The following TRAF3IP1 variants were observed in gnomAD, a reference collection of about 807,000 sequenced individuals.
The protein encoded by TRAF3IP1 is TRAF3-interacting protein 1.
In TRAF3IP1, 53 loss-of-function variants were observed where a neutral mutation model predicts 89.9. The observed-to-expected ratio is 0.59, with a 90% CI of 0.47 to 0.74. The LOEUF is 0.74. Ranked by LOEUF, TRAF3IP1 falls within the 30% of genes least tolerant of loss-of-function variation. The pLI is 0.00. For missense variants in TRAF3IP1, 806 were observed against 866.1 expected (o/e 0.93, Z 0.87); for synonymous variants, 311 against 322.1 (o/e 0.97, Z 0.37).
chr2:238,382,631 C>T (rs1481091718), intron 15 of TRAF3IP1, among the ~76,000 whole-genome samples: 1 of 152,020 alleles, frequency 6.6e-6, no homozygotes, highest in East Asian at 1.9e-4. Flanking sequence ...CCTTGGCACC[C>T]CATAGATGTC....
intron 5 of TRAF3IP1, among the ~76,000 whole-genome samples, chr2:238,330,971 A>G (rs1079435): frequency 0.72 from 109,076 of 152,004 alleles, 39,327 homozygotes; most frequent in Middle Eastern, 0.77. Context: ...GTAAGAAAAA[A>G]TATTTTTCAT....
intron 15 of TRAF3IP1, among the ~76,000 whole-genome samples, chr2:238,381,377 C>T (rs1323555237): frequency 6.6e-6 from 1 of 152,202 alleles, no homozygotes; most frequent in African/African-American, 2.4e-5. Flanking sequence ...ACCCCACTGA[C>T]ACCCTTGGAG....
chr2:238,370,483 G>A (rs1000501779), intron 15 of TRAF3IP1, among the ~76,000 whole-genome samples: 1 of 152,130 alleles, frequency 6.6e-6, no homozygotes, highest in Non-Finnish European at 1.5e-5. Context: ...GCAAATGTCT[G>A]TGCCCTCCCT....
At chr2:238,334,922 T>C (rs781570423) in intron 7 of TRAF3IP1, among the ~76,000 whole-genome samples, 2 of 152,208 alleles carry the variant, frequency 1.3e-5, no homozygotes, top group Non-Finnish European at 2.9e-5. Flanking sequence ...CCAGTGTTGT[T>C]AAGGCATGCT....
At chr2:238,354,260 T>A (rs1165801639) in intron 14 of TRAF3IP1, among the ~76,000 whole-genome samples, 1 of 152,264 alleles carries the variant, frequency 6.6e-6, no homozygotes, top group Non-Finnish European at 1.5e-5. Flanking sequence ...TGTTTCCAGC[T>A]TATTTTGTGT....
At chr2:238,375,424 A>G (rs1248652821) in intron 15 of TRAF3IP1, among the ~76,000 whole-genome samples, 1 of 152,132 alleles carries the variant, frequency 6.6e-6, no homozygotes, top group Non-Finnish European at 1.5e-5. Context: ...TTCAGTTTCC[A>G]TGTAGTTGTT....
At chr2:238,337,327 A>G (rs1698431423) in intron 7 of TRAF3IP1, among the ~76,000 whole-genome samples, 1 of 152,130 alleles carries the variant, frequency 6.6e-6, no homozygotes, top group Non-Finnish European at 1.5e-5. Flanking sequence ...GAAGGAGGAC[A>G]TGCAGGTGTG....
At chr2:238,321,201 C>T (rs1697522016) in intron 1 of TRAF3IP1, among the ~76,000 whole-genome samples, 1 of 152,230 alleles carries the variant, frequency 6.6e-6, no homozygotes, top group Non-Finnish European at 1.5e-5. Context: ...CTTACTTCTT[C>T]CCTGCCTGCC....
chr2:238,340,841 A>G (rs569326869), intron 8 of TRAF3IP1, among the ~76,000 whole-genome samples: 88 of 94,694 alleles, frequency 9.3e-4, no homozygotes, highest in African/African-American at 2.6e-3. Context: ...GTGTATATAT[A>G]TATATAGAGA....
intron 15 of TRAF3IP1, among the ~76,000 whole-genome samples, chr2:238,375,923 A>C (rs941817230): frequency 6.6e-6 from 1 of 152,158 alleles, no homozygotes; most frequent in African/African-American, 2.4e-5. Flanking sequence ...TTCTCTCCTC[A>C]TATGGATAAC....
chr2:238,349,374 C>T lies in TRAF3IP1; in HGVS notation c.1417C>T (p.Arg473Trp), dbSNP rs373537340. The stretch of plus-strand genomic sequence containing the variant: ...AAGACCAGCCCCTCCCCGGGTCAAA[C>T]GGCAAGACAGCATGGAGGCGCTACA... ...SARPAPPRVK[R>W]QDSMEALQMD... Residue 473 changes from arginine (R) to tryptophan (W), a missense_variant, in exon 12 of 17, where the codon CGG (arginine) becomes TGG (tryptophan). Coordinates refer to ENST00000373327, the MANE Select transcript of TRAF3IP1 (RefSeq NM_015650.4). The T allele has an allele frequency of 1.1e-5, 18 of 1,614,014 alleles. No individual in the cohort carries two copies. Among genetic ancestry groups the T allele is most frequent in the Middle Eastern group, 1.6e-4 (1 of 6,084 alleles).
chr2:238,322,966 C>T (rs1021581745), intron 1 of TRAF3IP1, among the ~76,000 whole-genome samples: 20 of 152,148 alleles, frequency 1.3e-4, no homozygotes, highest in Admixed American at 2.0e-4. Flanking sequence ...GAATATTATA[C>T]ACACATTGCT....
At chr2:238,341,341 G>A (rs148869117) in intron 8 of TRAF3IP1, among the ~76,000 whole-genome samples, 27 of 151,898 alleles carry the variant, frequency 1.8e-4, no homozygotes, top group African/African-American at 6.5e-4. Context: ...ATATTTTAAT[G>A]AACTGTTTCA....
chr2:238,331,102 T>C (rs572082073), intron 5 of TRAF3IP1, among the ~76,000 whole-genome samples: 77 of 152,118 alleles, frequency 5.1e-4, no homozygotes, highest in Non-Finnish European at 8.2e-4. Flanking sequence ...CCCCACGTTA[T>C]GTTCCCTAAA....
At chr2:238,328,634 G>T (rs754271191) in intron 3 of TRAF3IP1, 52 bp from the exon 4 acceptor site, 42 of 1,585,986 alleles carry the variant, frequency 2.6e-5, no homozygotes, top group Non-Finnish European at 3.5e-5. Flanking sequence ...TTTGTTACGT[G>T]TGCGGATCTC....
At chr2:238,391,057 C>A (rs1489013715) in intron 15 of TRAF3IP1, among the ~76,000 whole-genome samples, 1 of 152,176 alleles carries the variant, frequency 6.6e-6, no homozygotes, top group Non-Finnish European at 1.5e-5. Flanking sequence ...TGGGCTCAGG[C>A]AATCCTCCCT....
At chr2:238,343,053 T>C (rs1288663731) in intron 8 of TRAF3IP1, among the ~76,000 whole-genome samples, 2 of 152,078 alleles carry the variant, frequency 1.3e-5, no homozygotes, top group African/African-American at 4.8e-5. Flanking sequence ...CCTGCTGTAA[T>C]ATAGAACCTA....
Position 238,394,366 on chromosome 2 carries a change from C to T in TRAF3IP1, c.1690-3093C>T, listed in dbSNP as rs551953835. 2.6e-5 allele frequency among the ~76,000 whole-genome samples: 4 copies of T among 152,276 alleles called. No homozygotes were observed. In the East Asian group the frequency reaches 5.8e-4, roughly 22 times the overall value. On this transcript the variant is annotated intron_variant, in intron 15 of 16. Coordinates refer to ENST00000373327, the MANE Select transcript of TRAF3IP1 (RefSeq NM_015650.4). The stretch of plus-strand genomic sequence containing the variant: ...TAGGATTTGCATTAAACATGCGTAT[C>T]GGTTTGGGGAAAATTCATGTCTTTA...
At chr2:238,369,111 G>A (rs1017814580) in intron 15 of TRAF3IP1, among the ~76,000 whole-genome samples, 2 of 152,004 alleles carry the variant, frequency 1.3e-5, no homozygotes, top group African/African-American at 4.8e-5. Context: ...GCTTAACAAA[G>A]CTTTTATTGT....
Sources: gnomAD v4.1 joint callset for allele counts (sites outside exome capture counted in the v4.1 genomes callset) on GRCh38, gnomAD v4.1.1 for gene constraint, MANE v1.5 for transcripts, NCBI Gene and HGNC (gene_info 2026-07-23, HGNC 2026-07-21) for gene names.